The following CNTN5 variants were observed in gnomAD, a reference collection of about 807,000 sequenced individuals.
CNTN5 encodes contactin-5.
Under a neutral mutation model 129.1 loss-of-function variants are expected in CNTN5, and 77 were observed. The observed-to-expected ratio is 0.60, with a 90% confidence interval of 0.50 to 0.72. The LOEUF is 0.72. Ranked by LOEUF, CNTN5 falls within the 30% of genes least tolerant of loss-of-function variation. The pLI is 0.00. For synonymous variants in CNTN5, 509 were observed against 465.6 expected, an observed-to-expected ratio of 1.09 and a Z score of -1.20; for missense variants, 1,478 against 1,328.8, an observed-to-expected ratio of 1.11 and a Z score of -1.75.
At chr11:99,235,682 TA>T (rs1448185639) in intron 1 of CNTN5, among the ~76,000 whole-genome samples, 1 of 152,194 alleles carries the variant, frequency 6.6e-6, no homozygotes, top group Non-Finnish European at 1.5e-5. Flanking sequence ...GAGAATATTT[TA>T]AAATATTTGA....
At chr11:99,938,915 A>C (rs1950373774) in intron 7 of CNTN5, among the ~76,000 whole-genome samples, 1 of 152,134 alleles carries the variant, frequency 6.6e-6, no homozygotes, top group Admixed American at 6.5e-5. Context: ...TAGAAAATCT[A>C]ATTGCCTTAT....
In CNTN5 at chr11:100,238,697, A is replaced by T. The variant is rs79438241; in HGVS notation, c.2005+13885A>T. On this transcript the variant is annotated intron_variant, in intron 16 of 24. Transcript: ENST00000524871. ...TTTTGGTAACTGGTAGATATTGTTG[A>T]TATTCTCAAATCTAGGAAGAATTTC... is the stretch of plus-strand genomic sequence containing the variant. Among the ~76,000 whole-genome samples the T allele has an allele frequency of 4.2e-3, 634 of 152,324 alleles. 4 individuals carry two copies. Among genetic ancestry groups the T allele is most frequent in the African/African-American group, 0.014 (601 of 41,570 alleles).
At chr11:99,945,702 C>T (rs577921530) in intron 7 of CNTN5, among the ~76,000 whole-genome samples, 7 of 152,100 alleles carry the variant, frequency 4.6e-5, no homozygotes, top group Non-Finnish European at 7.4e-5. Context: ...TGCAAAGCTG[C>T]TAGGTGATGG....
intron 17 of CNTN5, among the ~76,000 whole-genome samples, chr11:100,266,386 GA>G (rs765973079): frequency 6.6e-6 from 1 of 151,968 alleles, no homozygotes; most frequent in Non-Finnish European, 1.5e-5. Context: ...TAAAGTTCTG[GA>G]AATAATAACT....
intron 2 of CNTN5, among the ~76,000 whole-genome samples, chr11:99,524,527 A>G (rs1418403874): frequency 6.6e-6 from 1 of 152,160 alleles, no homozygotes; most frequent in Non-Finnish European, 1.5e-5. Flanking sequence ...ATTTATACTT[A>G]TAGGCCGAGA....
chr11:99,792,924 T>A (rs569082778), intron 3 of CNTN5, among the ~76,000 whole-genome samples: 2 of 152,206 alleles, frequency 1.3e-5, no homozygotes, highest in Admixed American at 1.3e-4. Context: ...CAGGTGTTCA[T>A]AGTAGTCTCT....
chr11:100,352,286 T>A (rs1952434843), intron 24 of CNTN5, among the ~76,000 whole-genome samples: 1 of 151,688 alleles, frequency 6.6e-6, no homozygotes, highest in East Asian at 1.9e-4. Context: ...AAATACAGGA[T>A]AAGGAACATT....
intron 2 of CNTN5, among the ~76,000 whole-genome samples, chr11:99,394,878 TC>T (rs1941440427): frequency 6.6e-6 from 1 of 151,980 alleles, no homozygotes; most frequent in South Asian, 2.1e-4. Context: ...ATGATCTTTT[TC>T]TTTTTTATTG....
At chr11:99,753,123 T>A (rs1336132826) in intron 3 of CNTN5, among the ~76,000 whole-genome samples, 8 of 140,354 alleles carry the variant, frequency 5.7e-5, no homozygotes, top group Non-Finnish European at 1.1e-4. Flanking sequence ...TATTTGCTTT[T>A]TTTTTTTTTT....
intron 6 of CNTN5, among the ~76,000 whole-genome samples, chr11:99,876,183 A>G (rs1417970579): frequency 3.3e-5 from 5 of 152,056 alleles, no homozygotes; most frequent in African/African-American, 1.2e-4. Flanking sequence ...TGCGACCAAC[A>G]TCCGTAAGGA....
In CNTN5 at chr11:99,764,987, C is replaced by T. The variant is rs184734948; in HGVS notation, c.56-54557C>T. The stretch of plus-strand genomic sequence containing the variant: ...TTCTTTCTGTCATAGTCACATATAT[C>T]TACTGTATCAACAATTTTCTCTGAA... On this transcript the variant is annotated intron_variant, in intron 3 of 24. Transcript: ENST00000524871. 1.5e-3 allele frequency among the ~76,000 whole-genome samples: 234 copies of T among 152,178 alleles called. 1 individual carries two copies. Among genetic ancestry groups the T allele is most frequent in the Non-Finnish European group, 2.3e-3 (158 of 67,990 alleles).
chr11:99,556,059 G>A (rs934382468), intron 2 of CNTN5, 86 bp from the exon 3 acceptor site: 11 of 437,302 alleles, frequency 2.5e-5, no homozygotes, highest in African/African-American at 1.6e-4. Flanking sequence ...CATGTTATTA[G>A]GAGATTTTTG....
At chr11:100,190,274 C>T (rs190624615) in intron 13 of CNTN5, among the ~76,000 whole-genome samples, 1 of 151,958 alleles carries the variant, frequency 6.6e-6, no homozygotes, top group East Asian at 1.9e-4. Context: ...CCACAACAGC[C>T]GTGTCTATTA....
intron 2 of CNTN5, among the ~76,000 whole-genome samples, chr11:99,347,109 T>C (rs1937945561): frequency 6.6e-6 from 1 of 152,206 alleles, no homozygotes; most frequent in Non-Finnish European, 1.5e-5. Context: ...TCCAGAGTTT[T>C]TACATCTTTG....
At chr11:99,740,971 G>A (rs1421790948) in intron 3 of CNTN5, among the ~76,000 whole-genome samples, 1 of 151,846 alleles carries the variant, frequency 6.6e-6, no homozygotes, top group Non-Finnish European at 1.5e-5. Flanking sequence ...ATTTATTTTT[G>A]CCAATTCAAA....
chr11:99,284,748 C>G (rs932460378), intron 1 of CNTN5, among the ~76,000 whole-genome samples: 9 of 151,798 alleles, frequency 5.9e-5, no homozygotes, highest in African/African-American at 2.2e-4. Context: ...AAAGACTGAG[C>G]TGATGTCAGC....
At chr11:99,877,390 C>A (rs1002426083) in intron 6 of CNTN5, among the ~76,000 whole-genome samples, 1 of 152,064 alleles carries the variant, frequency 6.6e-6, no homozygotes, top group Non-Finnish European at 1.5e-5. Flanking sequence ...TCCAGTATAT[C>A]AACAGTGACA....
At chr11:99,863,662 A>G (rs184300799) in intron 6 of CNTN5, among the ~76,000 whole-genome samples, 3 of 152,318 alleles carry the variant, frequency 2.0e-5, no homozygotes, top group Admixed American at 6.5e-5. Flanking sequence ...GGGATATTCA[A>G]ATATTCTACT....
intron 6 of CNTN5, among the ~76,000 whole-genome samples, chr11:99,911,734 A>C (rs34399068): frequency 4.4e-5 from 4 of 90,300 alleles, no homozygotes; most frequent in African/African-American, 1.6e-4. Flanking sequence ...ATGTCTCAGG[A>C]GGTTAAAAAA....
Sources: gnomAD v4.1 joint callset for allele counts (sites outside exome capture counted in the v4.1 genomes callset) on GRCh38, gnomAD v4.1.1 for gene constraint, MANE v1.5 for transcripts, NCBI Gene and HGNC (gene_info 2026-07-23, HGNC 2026-07-21) for gene names.